Variants in ADIRF observed in about 807,000 individuals in gnomAD.
The protein encoded by ADIRF is adipogenesis regulatory factor, also known as adipogenesis factor rich in obesity.
Under a neutral mutation model 7.8 loss-of-function variants are expected in ADIRF, and 9 were observed. The ratio of observed to expected loss-of-function variants is 1.15; its 90% CI spans 0.70 to 2.01. ADIRF has a LOEUF of 2.01. Among genes scored for constraint, ADIRF ranks in the 30% most tolerant of loss-of-function variants. The pLI is 0.00. For synonymous variants in ADIRF, 48 were observed against 39.9 expected, an observed-to-expected ratio of 1.20 and a Z score of -0.77; for missense variants, 106 against 98.1, an observed-to-expected ratio of 1.08 and a Z score of -0.34.
intron 1 of ADIRF, chr10:86,968,919 G>C: frequency 2.9e-6 from 1 of 348,984 alleles, no homozygotes; most frequent in South Asian, 4.9e-5. Context: ...TGAAGGTCCA[G>C]GACAGGGATC....
intron 1 of ADIRF, 134 bp downstream of exon 1, chr10:86,968,739 C>A: frequency 1.0e-6 from 1 of 1,002,392 alleles, no homozygotes; most frequent in Non-Finnish European, 1.4e-6. Context: ...TCCACTGAGA[C>A]GCAGGGGGCA....
At chr10:86,968,706 G>A in intron 1 of ADIRF, 101 bp downstream of exon 1, 2 of 1,400,376 alleles carry the variant, frequency 1.4e-6, no homozygotes, top group East Asian at 2.6e-5. Flanking sequence ...TGGACCGGCA[G>A]CTTGGCTCGG....
At chr10:86,969,465 C>T (rs1475235691) in intron 1 of ADIRF, 3 of 152,264 alleles carry the variant, frequency 2.0e-5, no homozygotes, top group Non-Finnish European at 2.9e-5. Context: ...TAACCCTTTC[C>T]GGAGGATGGG....
At position 86,970,725 on chromosome 10, in the gene ADIRF, G is replaced by C; in HGVS notation, c.*143G>C. The C allele has an allele frequency of 1.3e-6, 1 of 752,674 alleles. No individual in the cohort carries two copies. The highest frequency in any genetic ancestry group is 2.3e-6 in the Non-Finnish European group (1 of 426,612). 46.6% of individuals were successfully genotyped at this position (752,674 alleles called of 1,614,324 possible). A position where few individuals can be genotyped will look rare whatever the true frequency, so the allele number is the denominator to read the frequency against. ...GGTCTGCCCCCTCATTAAAATTCAC[G>C]TTCCCACCCTGTGTCCACTTCATGA... On this transcript the variant is annotated 3_prime_UTR_variant, in exon 3 of 3. Coordinates refer to ENST00000372013, the MANE Select transcript of ADIRF (RefSeq NM_006829.3).
chr10:86,968,798 C>A, intron 1 of ADIRF, 193 bp downstream of exon 1: 1 of 595,770 alleles, frequency 1.7e-6, no homozygotes, highest in South Asian at 2.3e-5. Flanking sequence ...CGCAGGGAGG[C>A]AGCGGAACAG....
intron 1 of ADIRF, chr10:86,968,853 C>G (rs1165508277): frequency 4.2e-6 from 2 of 480,306 alleles, no homozygotes; most frequent in South Asian, 2.9e-5. Flanking sequence ...CTGCGGGAGC[C>G]CCTCCAAGGA....
chr10:86,970,538 G>T lies in ADIRF; in HGVS notation c.187G>T (p.Asp63Tyr). The T allele has an allele frequency of 6.2e-7, 1 of 1,613,510 alleles. No individual in the cohort carries two copies. The highest frequency in any genetic ancestry group is 1.1e-5 in the South Asian group (1 of 90,854). Reference sequence around the variant, plus strand: ...CGACAAGACTGCTAACCAGGCCTCTGACACCTTCTCTGGGATTGGGAAAAA... The same window carrying T: ...CGACAAGACTGCTAACCAGGCCTCTTACACCTTCTCTGGGATTGGGAAAAA... ...TIDKTANQASDTFSGIGKKFG... is the reference protein window; with the variant it reads ...TIDKTANQASYTFSGIGKKFG... Residue 63 changes from aspartate (D) to tyrosine (Y), a missense_variant, in exon 3 of 3, where the codon GAC becomes TAC. Asp to Tyr is a radical substitution (Grantham distance 160). Coordinates refer to ENST00000372013, the MANE Select transcript of ADIRF (RefSeq NM_006829.3).
In ADIRF at chr10:86,968,501, G is replaced by A. The variant is rs2133706240; in HGVS notation, c.-44G>A. 3 of 1,610,662 alleles carry A rather than the reference G, an allele frequency of 1.9e-6. No individual in the cohort carries two copies. Among genetic ancestry groups the A allele is most frequent in the Non-Finnish European group, 2.5e-6 (3 of 1,178,050 alleles). ...ATCGCCACTCTGGGCAGGATCCAAC[G>A]TCGCTCCAGCTGCTCTTGACGACTC... On this transcript the variant is annotated 5_prime_UTR_variant, in exon 1 of 3. Coordinates refer to ENST00000372013, the MANE Select transcript of ADIRF (RefSeq NM_006829.3).
chr10:86,970,612 A>C lies in ADIRF; in HGVS notation c.*30A>C. 1 of 1,565,688 alleles carries C rather than the reference A, an allele frequency of 6.4e-7. No individual in the cohort carries two copies. The highest frequency in any genetic ancestry group is 8.7e-7 in the Non-Finnish European group (1 of 1,145,788). On this transcript the variant is annotated 3_prime_UTR_variant, in exon 3 of 3. Transcript: ENST00000372013. The stretch of plus-strand genomic sequence containing the variant: ...AGGGAGACTTGGGTCGGCCTCCTGA[A>C]ATGACAGCAGGGAGACTTGGGTGAC...
At chr10:86,970,289 C>T in intron 2 of ADIRF, 27 bp downstream of exon 2, 1 of 1,477,020 alleles carries the variant, frequency 6.8e-7, no homozygotes, top group Admixed American at 2.5e-5. Context: ...GGGAGGCGGG[C>T]AACCCCAGCA....
Position 86,970,199 on chromosome 10 carries a change from G to A in ADIRF, c.62-1G>A. 1 of 1,452,820 alleles carries A rather than the reference G, an allele frequency of 6.9e-7. No homozygotes were observed. Among genetic ancestry groups the A allele is most frequent in the Non-Finnish European group, 9.1e-7 (1 of 1,099,596 alleles). 90.0% of individuals were successfully genotyped at this position (1,452,820 alleles called of 1,614,324 possible). On this transcript the variant is annotated splice_acceptor_variant, in intron 1 of 2. Transcript: ENST00000372013. LOFTEE classifies it high-confidence loss of function. The stretch of plus-strand genomic sequence containing the variant: ...CTAAAAGCCACATCTCTCTGTTCCA[G>A]TGTCAGCGGCCGGAGCGGCAGCTCA...
intron 1 of ADIRF, 141 bp downstream of exon 1, chr10:86,968,746 G>A (rs1457962709): frequency 2.1e-6 from 2 of 935,860 alleles, no homozygotes; most frequent in East Asian, 3.0e-5. Flanking sequence ...AGACGCAGGG[G>A]GCAGGCAGAA....
At chr10:86,970,347 C>G (rs1312274156) in intron 2 of ADIRF, 85 bp downstream of exon 2, 55 of 1,514,696 alleles carry the variant, frequency 3.6e-5, no homozygotes, top group Non-Finnish European at 4.4e-5. Context: ...GGCACATCCT[C>G]TCCTCTGCAG....
At chr10:86,970,027 T>TA (rs1448417340) in intron 1 of ADIRF, 173 bp from the exon 2 acceptor site, 1 of 472,182 alleles carries the variant, frequency 2.1e-6, no homozygotes, top group Non-Finnish European at 3.5e-6. Context: ...CATGGAAAGG[T>TA]CTCCTGCCCC....
At chr10:86,970,085 T>G in intron 1 of ADIRF, 115 bp from the exon 2 acceptor site, 1 of 1,009,526 alleles carries the variant, frequency 9.9e-7, no homozygotes, top group South Asian at 3.9e-5. Flanking sequence ...ATGGCATCCA[T>G]CCCTTGGACC....
intron 2 of ADIRF, 41 bp downstream of exon 2, chr10:86,970,303 C>T (rs1462027016): frequency 1.3e-6 from 2 of 1,495,396 alleles, no homozygotes; most frequent in South Asian, 2.7e-5. Flanking sequence ...CCCAGCACAC[C>T]TCCCACTCCC....
chr10:86,968,567 A>G lies in ADIRF; in HGVS notation c.23A>G (p.Asp8Gly). The change falls in exon 1 of 3, where the codon GAC becomes GGC. Residue 8 changes from aspartate to glycine, a missense_variant. Transcript: ENST00000372013. MASKGLQ[D>G]LKQQVEGTAQ... is the part of the protein sequence containing the mutation. ...GCCATGGCAAGCAAGGGCTTGCAGG[A>G]CCTGAAGCAACAGGTGGAGGGGACC... 6.2e-7 allele frequency: 1 copy of G among 1,613,542 alleles called. No homozygotes were observed.
Position 86,970,565 on chromosome 10 carries a change from T to A in ADIRF, c.214T>A (p.Phe72Ile). The change falls in exon 3 of 3, where the codon TTC (phenylalanine) becomes ATC (isoleucine). Residue 72 changes from phenylalanine (F) to isoleucine (I), a missense_variant. Coordinates refer to ENST00000372013, the MANE Select transcript of ADIRF (RefSeq NM_006829.3). ...CACCTTCTCTGGGATTGGGAAAAAA[T>A]TCGGCCTCCTGAAATGACAGCAGGG... ...SDTFSGIGKK[F>I]GLLK The A allele has an allele frequency of 6.2e-7, 1 of 1,612,156 alleles. No individual in the cohort carries two copies. The highest frequency in any genetic ancestry group is 8.5e-7 in the Non-Finnish European group (1 of 1,179,136).
At chr10:86,968,679 C>A in intron 1 of ADIRF, 74 bp downstream of exon 1, 1 of 1,533,234 alleles carries the variant, frequency 6.5e-7, no homozygotes, top group Non-Finnish European at 8.8e-7. Flanking sequence ...AGCGGGTCGG[C>A]GCGGTCCGCA....
Sources: allele counts gnomAD v4.1 joint callset, GRCh38; gene constraint gnomAD v4.1.1; transcripts MANE v1.5; gene names NCBI Gene and HGNC (gene_info 2026-07-23, HGNC 2026-07-21).